The following ARID4B variants were observed in gnomAD, a reference collection of about 807,000 sequenced individuals.
ARID4B encodes the protein AT-rich interaction domain 4B, also known as AT-rich interactive domain-containing protein 4B.
In ARID4B, 26 loss-of-function variants were observed where a neutral mutation model predicts 147.5. That is an observed-to-expected ratio of 0.18 (90% CI 0.13 to 0.24). The LOEUF (loss-of-function observed/expected upper bound fraction) is 0.24, where lower values mean the gene tolerates loss of function less well. Ranked by LOEUF, ARID4B falls within the 10% of genes least tolerant of loss-of-function variation. The probability of loss-of-function intolerance (pLI) is 1.00; values close to 1 mark genes in which losing one functional copy is unlikely to be tolerated. For synonymous variants in ARID4B, 512 were observed against 507.9 expected, an observed-to-expected ratio of 1.01 and a Z score of -0.11; for missense variants, 1,179 against 1,511.5, an observed-to-expected ratio of 0.78 and a Z score of 3.65.
At chr1:235,188,143 ATGTG>A (rs1377855339) in intron 19 of ARID4B, among the ~76,000 whole-genome samples, 1 of 152,000 alleles carries the variant, frequency 6.6e-6, no homozygotes, top group Non-Finnish European at 1.5e-5. Flanking sequence ...TGTTATATGT[ATGTG>A]TGTGTGTATA....
chr1:235,303,282 C>T (rs1291070645), intron 2 of ARID4B, among the ~76,000 whole-genome samples: 1 of 151,928 alleles, frequency 6.6e-6, no homozygotes, highest in Non-Finnish European at 1.5e-5. Flanking sequence ...ATTTGTATTC[C>T]TGAATTTTAT....
intron 2 of ARID4B, among the ~76,000 whole-genome samples, chr1:235,298,075 AGT>A (rs1265571743): frequency 6.6e-6 from 1 of 152,206 alleles, no homozygotes; most frequent in Non-Finnish European, 1.5e-5. Flanking sequence ...GGAAAGTTCA[AGT>A]GTGTCAGAGA....
chr1:235,219,880 T>C lies in ARID4B; in HGVS notation c.1496A>G (p.Asn499Ser), dbSNP rs1374296898. The C allele has an allele frequency of 6.2e-7, 1 of 1,604,144 alleles. No individual in the cohort carries two copies. Among genetic ancestry groups the C allele is most frequent in the Non-Finnish European group, 8.5e-7 (1 of 1,172,958 alleles). The change falls in exon 16 of 24, where the codon AAT (asparagine) becomes AGT (serine). Residue 499 changes from asparagine to serine, a missense_variant. Coordinates refer to ENST00000264183, the MANE Select transcript of ARID4B (RefSeq NM_016374.6). ...VNIKKPEDNE[N>S]LDDKDDDTTR... The stretch of plus-strand genomic sequence containing the variant: ...TGTGTCATCATCTTTGTCATCCAGA[T>C]TTTCATTGTCTTCTGGTTTTTTAAT...
intron 2 of ARID4B, among the ~76,000 whole-genome samples, chr1:235,294,922 G>A (rs1233290409): frequency 6.6e-6 from 1 of 151,310 alleles, no homozygotes; most frequent in African/African-American, 2.4e-5. Flanking sequence ...CCAAACTGAA[G>A]TAAATGTTCT....
chr1:235,186,411 ATT>A (rs879460039), intron 19 of ARID4B, among the ~76,000 whole-genome samples: 13 of 137,240 alleles, frequency 9.5e-5, no homozygotes, highest in Admixed American at 2.2e-4. Flanking sequence ...GAATTTGCTT[ATT>A]TTTTTTTTTT....
intron 2 of ARID4B, among the ~76,000 whole-genome samples, chr1:235,266,325 G>GA (rs1394442292): frequency 7.3e-5 from 11 of 151,066 alleles, no homozygotes; most frequent in African/African-American, 1.9e-4. Context: ...TACGTAGCCA[G>GA]AAAAAAAAAC....
chr1:235,236,833 A>AATACATATATATATATAT (rs1553299957), intron 8 of ARID4B, among the ~76,000 whole-genome samples: 12 of 33,522 alleles, frequency 3.6e-4, no homozygotes, highest in African/African-American at 1.8e-3. Flanking sequence ...TTTTATAAAA[A>AATACATATATATATATAT]ATATATATAT....
intron 9 of ARID4B, among the ~76,000 whole-genome samples, chr1:235,233,377 G>A (rs1467835305): frequency 6.6e-6 from 1 of 152,122 alleles, no homozygotes; most frequent in Non-Finnish European, 1.5e-5. Context: ...TGGCTGCAGT[G>A]AGCCATGATC....
At chr1:235,272,970 T>C (rs774031587) in intron 2 of ARID4B, among the ~76,000 whole-genome samples, 69 of 152,222 alleles carry the variant, frequency 4.5e-4, no homozygotes, top group Admixed American at 4.2e-3. Flanking sequence ...GATAGGGGCA[T>C]TGGTAGCAAA....
At chr1:235,183,608 T>A (rs929528197) in intron 19 of ARID4B, among the ~76,000 whole-genome samples, 1 of 152,212 alleles carries the variant, frequency 6.6e-6, no homozygotes, top group African/African-American at 2.4e-5. Flanking sequence ...ACAATCACAG[T>A]GCACTTCAGC....
At chr1:235,278,397 A>C (rs546039241) in intron 2 of ARID4B, among the ~76,000 whole-genome samples, 1 of 152,214 alleles carries the variant, frequency 6.6e-6, no homozygotes, top group African/African-American at 2.4e-5. Flanking sequence ...ATCATGAAAA[A>C]CATTTCATGG....
intron 22 of ARID4B, 51 bp downstream of exon 22, chr1:235,175,133 A>T: frequency 6.7e-7 from 1 of 1,493,994 alleles, no homozygotes; most frequent in Non-Finnish European, 9.3e-7. Flanking sequence ...TAAAACAAAA[A>T]GAGTTACTAG....
chr1:235,247,501 T>C (rs1268793610), intron 6 of ARID4B, among the ~76,000 whole-genome samples: 2 of 152,180 alleles, frequency 1.3e-5, no homozygotes, highest in South Asian at 2.1e-4. Context: ...CATAGATGTA[T>C]GTATCTAACA....
intron 8 of ARID4B, 28 bp from the exon 9 acceptor site, chr1:235,234,520 T>C (rs912570711): frequency 2.7e-6 from 4 of 1,494,382 alleles, no homozygotes; most frequent in Non-Finnish European, 3.7e-6. Flanking sequence ...GAAGCTATTA[T>C]AACTAAAAGA....
chr1:235,171,805 A>G (rs567008458), intron 23 of ARID4B, among the ~76,000 whole-genome samples: 109 of 151,966 alleles, frequency 7.2e-4, no homozygotes, highest in African/African-American at 2.3e-3. Context: ...GCGCACAGCT[A>G]ATTTTTTGTA....
Position 235,224,862 on chromosome 1 carries a change from T to TG in ARID4B, c.898-88dup, listed in dbSNP as rs1222068456. ...ATTTCTTACCAATAGCAAAGACTAGTGTTCATTAAAATACTTCAAAGGCTT... is the reference window on the plus strand; with the variant it reads ...ATTTCTTACCAATAGCAAAGACTAGTGGTTCATTAAAATACTTCAAAGGCTT... On this transcript the variant is annotated intron_variant, in intron 11 of 23. Coordinates refer to ENST00000264183, the MANE Select transcript of ARID4B (RefSeq NM_016374.6). The TG allele has an allele frequency of 6.7e-6, 6 of 897,982 alleles. No individual in the cohort carries two copies. The East Asian group carries it at 1.5e-4, about 23-fold the overall frequency. The allele number at this position is 897,982 out of a possible 1,614,324, so 55.6% of individuals were successfully genotyped here.
intron 2 of ARID4B, among the ~76,000 whole-genome samples, chr1:235,309,272 C>T (rs1228536586): frequency 7.2e-5 from 9 of 124,180 alleles, no homozygotes; most frequent in East Asian, 4.3e-4. Flanking sequence ...GGAGCCCCTC[C>T]GCCCGGCAGC....
intron 17 of ARID4B, among the ~76,000 whole-genome samples, chr1:235,201,325 ATCT>A (rs889901684): frequency 2.0e-4 from 31 of 151,850 alleles, no homozygotes; most frequent in Non-Finnish European, 2.8e-4. Flanking sequence ...GAATACGAGA[ATCT>A]TCTTTTTTTT....
chr1:235,293,057 C>G (rs964084527), intron 2 of ARID4B, among the ~76,000 whole-genome samples: 52 of 152,146 alleles, frequency 3.4e-4, no homozygotes, highest in African/African-American at 1.2e-3. Context: ...AATCTAAGAT[C>G]CACAAAAACC....
Sources: gnomAD v4.1 joint callset for allele counts (sites outside exome capture counted in the v4.1 genomes callset) on GRCh38, gnomAD v4.1.1 for gene constraint, MANE v1.5 for transcripts, NCBI Gene and HGNC (gene_info 2026-07-23, HGNC 2026-07-21) for gene names.